Variants in SVIL observed in about 807,000 individuals in gnomAD.
SVIL encodes archvillin.
SVIL carries 101 observed loss-of-function variants against 240.4 expected under a neutral mutation model. The observed-to-expected ratio is 0.42, with a 90% CI of 0.36 to 0.50. The LOEUF is 0.50. Among genes scored for constraint, SVIL ranks in the 20% least tolerant of loss-of-function variants. SVIL has a pLI of 0.01. For missense variants in SVIL, 2,512 were observed against 2,818.7 expected (o/e 0.89, Z 2.46); for synonymous variants, 999 against 1,100.0 (o/e 0.91, Z 1.82).
chr10:29,718,187 G>A lies in SVIL; in HGVS notation c.-400+17564C>T, dbSNP rs112539152. ...CTAAAAATACAAAAATTAGCCAGGC[G>A]TGGTGGCACATCGCTGTAGATCCAG... On this transcript the variant is annotated intron_variant, in intron 1 of 35. Coordinates refer to the SVIL transcript ENST00000375400. Among the ~76,000 whole-genome samples the A allele has an allele frequency of 7.5e-3, 1,141 of 152,078 alleles. 11 individuals are homozygous for A. Among genetic ancestry groups the A allele is most frequent in the African/African-American group, 0.026 (1,083 of 41,470 alleles).
Position 29,713,262 on chromosome 10 carries a change from CTG to C in SVIL, c.-400+22487_-400+22488del, listed in dbSNP as rs10647219. Among the ~76,000 whole-genome samples, 2,258 of 148,366 alleles carry C rather than the reference CTG, an allele frequency of 0.015. 75 individuals carry two copies. In the East Asian group the frequency reaches 0.16, roughly 10 times the overall value. Reference sequence around the variant, plus strand: ...TAAAACTAAGAAGTTGTACATGCCTCTGTGTGTGTGTGTGTGTGTGTGTGTGT... The same window carrying C: ...TAAAACTAAGAAGTTGTACATGCCTCTGTGTGTGTGTGTGTGTGTGTGTGT... On this transcript the variant is annotated intron_variant, in intron 1 of 35. Transcript: ENST00000375400.
rs754623141 is a variant in SVIL at position 29,470,446 on chromosome 10, G to T, written c.5673C>A (p.Pro1891=). The change falls in exon 32 of 38, where the codon CCC becomes CCA. Residue 1891 remains proline (P), a synonymous_variant. Coordinates refer to ENST00000355867, the MANE Select transcript of SVIL (RefSeq NM_021738.3). ...CCACTTCCAGCAAATTCCCTTCCAC[G>T]GGCACCTCTCCACGCACGCAGTACA... is the stretch of plus-strand genomic sequence containing the variant. ...WRLYCVRGEV[P]VEGNLLEVAC... The T allele has an allele frequency of 1.2e-6, 2 of 1,614,136 alleles. No individual in the cohort carries two copies. Among genetic ancestry groups the T allele is most frequent in the South Asian group, 2.2e-5 (2 of 91,086 alleles).
chr10:29,705,774 G>A (rs546669851), intron 1 of SVIL, among the ~76,000 whole-genome samples: 6 of 152,264 alleles, frequency 3.9e-5, no homozygotes, highest in South Asian at 4.1e-4. Context: ...TGCTGAGGAC[G>A]ATGGCTTCTG....
At chr10:29,608,854 G>A (rs1459423349) in intron 1 of SVIL, among the ~76,000 whole-genome samples, 2 of 152,218 alleles carry the variant, frequency 1.3e-5, no homozygotes, top group African/African-American at 4.8e-5. Context: ...TTTAAGCCAG[G>A]GATGGCCTGA....
Position 29,465,730 on chromosome 10 carries a change from C to T in SVIL, c.5998G>A (p.Ala2000Thr), listed in dbSNP as rs138805266. Residue 2000 changes from alanine to threonine, a missense_variant, in exon 34 of 38, where the codon GCG becomes ACG. Transcript: ENST00000355867. ...MLQDPGSFNF[A>T]PRLFILSSSS... is the part of the protein sequence containing the mutation. ...CTGCTGAGGATGAACAGGCGGGGCG[C>T]GAAGTTAAAACTTCCAGGATCTTTG... 1.2e-5 allele frequency: 19 copies of T among 1,612,120 alleles called. No individual in the cohort carries two copies. In the East Asian group the frequency reaches 4.0e-4, roughly 34 times the overall value.
intron 17 of SVIL, among the ~76,000 whole-genome samples, chr10:29,500,711 A>G (rs538731243): frequency 1.3e-5 from 2 of 152,262 alleles, no homozygotes; most frequent in Non-Finnish European, 2.9e-5. Context: ...CTTGGCTAAG[A>G]AGTCTCCATG....
rs55940009 is a variant in SVIL, at chr10:29,729,450, GGTGTGTGTGTGTGTGTGT to G, written c.-400+6283_-400+6300del. 4.2e-4 allele frequency among the ~76,000 whole-genome samples: 58 copies of G among 136,784 alleles called. No individual in the cohort carries two copies. In the South Asian group the frequency reaches 4.4e-3, roughly 10 times the overall value. The allele number at this position is 136,784 out of a possible 152,430, so 89.7% of individuals were successfully genotyped here. On this transcript the variant is annotated intron_variant, in intron 1 of 35. Coordinates refer to the SVIL transcript ENST00000375400. ...CATGCTGGGCCTCTGTGTTTATGGA[GGTGTGTGTGTGTGTGTGT>G]GTGTGTGTGTGTGTGTGTGTGTGTG...
chr10:29,652,018 A>AACACACACACACAAAC (rs1554887057), intron 3 of SVIL, among the ~76,000 whole-genome samples: 2 of 149,876 alleles, frequency 1.3e-5, no homozygotes, highest in Non-Finnish European at 3.0e-5. Context: ...CACACACACA[A>AACACACACACACAAAC]ACACACACAC....
chr10:29,596,459 C>T (rs771548336), intron 1 of SVIL, among the ~76,000 whole-genome samples: 1 of 151,966 alleles, frequency 6.6e-6, no homozygotes, highest in Non-Finnish European at 1.5e-5. Flanking sequence ...GGCAACAGAG[C>T]GAGGCCCTGT....
At chr10:29,500,958 C>T (rs547831564) in intron 17 of SVIL, among the ~76,000 whole-genome samples, 56 of 152,246 alleles carry the variant, frequency 3.7e-4, no homozygotes, top group African/African-American at 9.6e-4. Context: ...AGAGGAAAGG[C>T]GCCTTCCCTT....
At chr10:29,565,609 C>T (rs186877883) in intron 2 of SVIL, among the ~76,000 whole-genome samples, 41 of 152,158 alleles carry the variant, frequency 2.7e-4, no homozygotes, top group Middle Eastern at 3.4e-3. Context: ...TGACCATCAC[C>T]CAAAGTATAT....
intron 1 of SVIL, among the ~76,000 whole-genome samples, chr10:29,730,619 A>G (rs1469190772): frequency 1.3e-5 from 2 of 152,238 alleles, no homozygotes; most frequent in African/African-American, 4.8e-5. Flanking sequence ...TAAGAGATAC[A>G]TGAATGTGTA....
At chr10:29,585,575 G>A (rs956704108) in intron 1 of SVIL, among the ~76,000 whole-genome samples, 7 of 152,138 alleles carry the variant, frequency 4.6e-5, no homozygotes, top group Non-Finnish European at 1.0e-4. Flanking sequence ...AGAAGACAAC[G>A]AGGACACCGC....
chr10:29,664,997 T>C (rs892882106), intron 2 of SVIL, among the ~76,000 whole-genome samples: 2 of 151,928 alleles, frequency 1.3e-5, no homozygotes, highest in African/African-American at 2.4e-5. Context: ...CCCAGCACTT[T>C]AGAAGGTTGA....
At chr10:29,677,471 C>A (rs958419570) in intron 2 of SVIL, among the ~76,000 whole-genome samples, 20 of 152,290 alleles carry the variant, frequency 1.3e-4, no homozygotes, top group African/African-American at 4.6e-4. Context: ...TGCAGTGGCA[C>A]AATCATAGCT....
chr10:29,499,072 G>T (rs949818052), intron 18 of SVIL, 44 bp downstream of exon 18: 1 of 1,598,978 alleles, frequency 6.3e-7, no homozygotes, highest in African/African-American at 1.4e-5. Context: ...GCTCACGTGT[G>T]TGCATTGTGC....
At position 29,478,924 on chromosome 10, in the gene SVIL, C is replaced by CAA. The variant is rs71020791; in HGVS notation, c.5377+1611_5377+1612dup. Reference sequence around the variant, plus strand: ...TGGAAGACAGAGTGAAACCCTGTCTCAAAAAAAAAAAAAAAAAAAAAAAAA... The same window carrying CAA: ...TGGAAGACAGAGTGAAACCCTGTCTCAAAAAAAAAAAAAAAAAAAAAAAAAAA... On this transcript the variant is annotated intron_variant, in intron 29 of 37. Coordinates refer to ENST00000355867, the MANE Select transcript of SVIL (RefSeq NM_021738.3). Among the ~76,000 whole-genome samples, 80 of 63,028 alleles carry CAA rather than the reference C, an allele frequency of 1.3e-3. 1 individual carries two copies. Among genetic ancestry groups the CAA allele is most frequent in the Non-Finnish European group, 1.8e-3 (59 of 32,406 alleles). 41.3% of individuals were successfully genotyped at this position (63,028 alleles called of 152,430 possible). A position where few individuals can be genotyped will look rare whatever the true frequency, so the allele number is the denominator to read the frequency against.
In SVIL at chr10:29,457,466, G is replaced by T. The variant is rs1943703486; in HGVS notation, c.*781C>A. ...TGAGATGTTTTTATTTTGACTATTT[G>T]AGAGTAAAATTGTAGATAATGTTCC... On this transcript the variant is annotated 3_prime_UTR_variant, in exon 38 of 38. Transcript: ENST00000355867. 6.6e-6 allele frequency: 1 copy of T among 152,574 alleles called. No homozygotes were observed. The highest frequency in any genetic ancestry group is 1.5e-5 in the Non-Finnish European group (1 of 68,032). 9.5% of individuals were successfully genotyped at this position (152,574 alleles called of 1,614,324 possible). A position where few individuals can be genotyped will look rare whatever the true frequency, so the allele number is the denominator to read the frequency against.
Position 29,532,678 on chromosome 10 carries a change from C to A in SVIL, c.1689G>T (p.Lys563Asn). ...GPPQLQALKY[K>N]DPASRRELEL... ...CCAGCTCTCTCCTGGAAGCTGGGTC[C>A]TTATACTTCAAGGCCTGGAGCTGAG... The change falls in exon 8 of 38, where the codon AAG (lysine) becomes AAT (asparagine). Residue 563 changes from lysine to asparagine, a missense_variant. Lys to Asn is a moderately conservative substitution (Grantham distance 94). Transcript: ENST00000355867. The A allele has an allele frequency of 6.2e-7, 1 of 1,614,196 alleles. No homozygotes were observed. Among genetic ancestry groups the A allele is most frequent in the East Asian group, 2.2e-5 (1 of 44,866 alleles).
Sources: allele counts gnomAD v4.1 joint callset (sites outside exome capture counted in the v4.1 genomes callset), GRCh38; gene constraint gnomAD v4.1.1; transcripts MANE v1.5; gene names NCBI Gene and HGNC (gene_info 2026-07-23, HGNC 2026-07-21).